The following DGKG variants were observed in gnomAD, a reference collection of about 807,000 sequenced individuals.
DGKG encodes diacylglycerol kinase gamma, also known as DAG kinase gamma.
Under a neutral mutation model 105.3 loss-of-function variants are expected in DGKG, and 78 were observed. The ratio of observed to expected loss-of-function variants is 0.74; its 90% confidence interval spans 0.62 to 0.89. DGKG has a LOEUF of 0.89. Ranked by LOEUF, DGKG falls within the 40% of genes least tolerant of loss-of-function variation. The pLI is 0.00. For missense variants in DGKG, 958 were observed against 1,020.1 expected, an observed-to-expected ratio of 0.94 and a Z score of 0.83; for synonymous variants, 346 against 367.1, an observed-to-expected ratio of 0.94 and a Z score of 0.66.
At chr3:186,355,253 C>G (rs1455081802) in intron 1 of DGKG, among the ~76,000 whole-genome samples, 1 of 35,542 alleles carries the variant, frequency 2.8e-5, no homozygotes, top group Non-Finnish European at 4.6e-5. Flanking sequence ...CCGCTACCAC[C>G]AACACCAACA....
At chr3:186,295,868 C>T (rs1303950077) in intron 5 of DGKG, among the ~76,000 whole-genome samples, 2 of 152,006 alleles carry the variant, frequency 1.3e-5, no homozygotes, top group Non-Finnish European at 2.9e-5. Context: ...CCTGTAATCC[C>T]AGCGCTTTTG....
At chr3:186,246,946 G>GCTTGTGA (rs745633532) in intron 19 of DGKG, among the ~76,000 whole-genome samples, 3 of 152,170 alleles carry the variant, frequency 2.0e-5, no homozygotes, top group Non-Finnish European at 4.4e-5. Flanking sequence ...TGAAAGCAGA[G>GCTTGTGA]CTTGTGAGGA....
chr3:186,217,946 G>A (rs574530060), intron 20 of DGKG, among the ~76,000 whole-genome samples: 2 of 152,328 alleles, frequency 1.3e-5, no homozygotes, highest in East Asian at 3.9e-4. Context: ...TTTGGACTTT[G>A]ATAATCAGGT....
chr3:186,222,704 C>T (rs1361574435), intron 20 of DGKG, among the ~76,000 whole-genome samples: 4 of 148,438 alleles, frequency 2.7e-5, no homozygotes, highest in African/African-American at 5.0e-5. Context: ...TTAGGCCAGG[C>T]GCAGTGGGTC....
chr3:186,249,155 G>A (rs999984425), intron 19 of DGKG, among the ~76,000 whole-genome samples: 10 of 152,022 alleles, frequency 6.6e-5, no homozygotes, highest in African/African-American at 2.4e-4. Flanking sequence ...CATCTGCGTG[G>A]GTCACTGGAG....
At chr3:186,243,893 G>GTTTTTTTTTTTTTTTTTTTTT (rs1325137759) in intron 19 of DGKG, among the ~76,000 whole-genome samples, 2 of 80,868 alleles carry the variant, frequency 2.5e-5, no homozygotes, top group African/African-American at 8.3e-5. Context: ...GAAAATTTCT[G>GTTTTTTTTTTTTTTTTTTTTT]TGTTTTTTTT....
chr3:186,326,298 A>G (rs1173548819), intron 1 of DGKG, among the ~76,000 whole-genome samples: 3 of 152,060 alleles, frequency 2.0e-5, no homozygotes, highest in Admixed American at 1.3e-4. Context: ...AGGCTGAGGT[A>G]GGAGAATTGC....
intron 20 of DGKG, among the ~76,000 whole-genome samples, chr3:186,216,057 G>C (rs941702037): frequency 1.3e-5 from 2 of 151,686 alleles, no homozygotes; most frequent in Non-Finnish European, 1.5e-5. Flanking sequence ...GGAGTACAGT[G>C]GTACAATCTT....
chr3:186,289,924 G>A (rs1359557165), intron 5 of DGKG, among the ~76,000 whole-genome samples: 2 of 152,164 alleles, frequency 1.3e-5, no homozygotes, highest in Non-Finnish European at 2.9e-5. Flanking sequence ...GGCAAGCAGG[G>A]CTGTGCTAGA....
At chr3:186,269,434 G>T (rs539525880) in intron 11 of DGKG, among the ~76,000 whole-genome samples, 1 of 152,302 alleles carries the variant, frequency 6.6e-6, no homozygotes, top group East Asian at 1.9e-4. Context: ...TGGGGTTACT[G>T]GGGCAATGCA....
intron 20 of DGKG, among the ~76,000 whole-genome samples, chr3:186,241,813 T>TCACAA (rs1353390526): frequency 6.6e-6 from 1 of 152,170 alleles, no homozygotes; most frequent in Admixed American, 6.5e-5. Flanking sequence ...TATACGTCAG[T>TCACAA]CACAACTAAG....
chr3:186,286,840 C>T (rs1194324831), intron 6 of DGKG, among the ~76,000 whole-genome samples: 1 of 152,040 alleles, frequency 6.6e-6, no homozygotes, highest in East Asian at 1.9e-4. Flanking sequence ...TCGAGACCAG[C>T]CTGGCCAACA....
chr3:186,243,248 C>A (rs1407595314), intron 19 of DGKG, among the ~76,000 whole-genome samples: 2 of 151,772 alleles, frequency 1.3e-5, no homozygotes, highest in Non-Finnish European at 2.9e-5. Context: ...TTCTTGATCA[C>A]TTCACTCGAA....
chr3:186,154,229 T>C (rs538505468), intron 24 of DGKG, among the ~76,000 whole-genome samples: 12 of 152,202 alleles, frequency 7.9e-5, no homozygotes, highest in African/African-American at 1.4e-4. Context: ...AGAAATATGG[T>C]GAGCCTAAGG....
intron 20 of DGKG, among the ~76,000 whole-genome samples, chr3:186,215,430 A>T (rs1719233803): frequency 6.6e-6 from 1 of 151,670 alleles, no homozygotes; most frequent in African/African-American, 2.4e-5. Context: ...AAAAAAAAAA[A>T]AAATTCTATA....
chr3:186,260,686 C>T (rs1310986745), intron 15 of DGKG, among the ~76,000 whole-genome samples, 173 bp from the exon 16 acceptor site: 1 of 152,194 alleles, frequency 6.6e-6, no homozygotes, highest in Non-Finnish European at 1.5e-5. Flanking sequence ...CAGGTTCCAC[C>T]TGGCATCACC....
intron 22 of DGKG, among the ~76,000 whole-genome samples, chr3:186,180,527 C>T (rs1717311635): frequency 6.6e-6 from 1 of 152,110 alleles, no homozygotes; most frequent in Non-Finnish European, 1.5e-5. Context: ...CAGAGAGGAT[C>T]TCTGTTAAAT....
chr3:186,197,585 C>T (rs1015821793), intron 21 of DGKG, among the ~76,000 whole-genome samples: 6 of 152,202 alleles, frequency 3.9e-5, no homozygotes, highest in East Asian at 3.9e-4. Context: ...ATACCGTGGG[C>T]GGGGAGCAGC....
intron 22 of DGKG, among the ~76,000 whole-genome samples, chr3:186,172,800 T>C (rs1039546334): frequency 6.6e-6 from 1 of 152,268 alleles, no homozygotes; most frequent in African/African-American, 2.4e-5. Context: ...AATTGCTGTG[T>C]CATTTAGGGT....
Sources: gnomAD v4.1 joint callset for allele counts (sites outside exome capture counted in the v4.1 genomes callset) on GRCh38, gnomAD v4.1.1 for gene constraint, MANE v1.5 for transcripts, NCBI Gene and HGNC (gene_info 2026-07-23, HGNC 2026-07-21) for gene names.